Variants in AHCYL2 observed in about 807,000 individuals in gnomAD.
AHCYL2 encodes the protein S-adenosylhomocysteine hydrolase-like protein 2.
Under a neutral mutation model 81.4 loss-of-function variants are expected in AHCYL2, and 28 were observed. That is an observed-to-expected ratio of 0.34 (90% CI 0.25 to 0.47). AHCYL2 has a LOEUF of 0.47. Ranked by LOEUF, AHCYL2 falls within the 20% of genes least tolerant of loss-of-function variation. AHCYL2 has a pLI of 1.00. For missense variants in AHCYL2, 551 were observed against 785.1 expected, an observed-to-expected ratio of 0.70 and a Z score of 3.56; for synonymous variants, 272 against 290.2, an observed-to-expected ratio of 0.94 and a Z score of 0.64.
At position 129,406,645 on chromosome 7, in the gene AHCYL2, GA is replaced by G. The variant is rs1405921013; in HGVS notation, c.1295+183del. ...TGCTTGGAGAGAGCAGAGACTATCA[GA>G]AAAGCGAAAATTTAGAAATCCTGTG... On this transcript the variant is annotated intron_variant, in intron 10 of 16. Transcript: ENST00000325006. This position sits in a 1 kb window ranked among gnomAD's most constrained non-coding sequence, Gnocchi z 4.3. Among the ~76,000 whole-genome samples the G allele has an allele frequency of 6.6e-6, 1 of 152,208 alleles. No homozygotes were observed. Among genetic ancestry groups the G allele is most frequent in the Admixed American group, 6.5e-5 (1 of 15,288 alleles).
At chr7:129,301,920 C>G (rs1287641362) in intron 1 of AHCYL2, among the ~76,000 whole-genome samples, 1 of 151,280 alleles carries the variant, frequency 6.6e-6, no homozygotes, top group Non-Finnish European at 1.5e-5. Flanking sequence ...GATTTGGAAT[C>G]TATAGATTCA....
intron 1 of AHCYL2, among the ~76,000 whole-genome samples, chr7:129,365,736 TGGA>T: frequency 6.7e-6 from 1 of 150,028 alleles, no homozygotes; most frequent in East Asian, 2.0e-4. Flanking sequence ...AAAGGTTTGG[TGGA>T]GGAGGGCACA....
intron 1 of AHCYL2, among the ~76,000 whole-genome samples, chr7:129,269,699 G>T (rs936034225): frequency 1.3e-5 from 2 of 152,130 alleles, no homozygotes; most frequent in African/African-American, 4.8e-5. Flanking sequence ...GCCTCTCAAA[G>T]TGTAGCCACC....
intron 6 of AHCYL2, among the ~76,000 whole-genome samples, chr7:129,402,414 T>A (rs1041934739): frequency 6.6e-6 from 1 of 152,110 alleles, no homozygotes; most frequent in Non-Finnish European, 1.5e-5. Context: ...TTTTGGCACT[T>A]ATAGTAGAGT....
chr7:129,284,844 A>C (rs1434491469), intron 1 of AHCYL2, among the ~76,000 whole-genome samples: 2 of 152,226 alleles, frequency 1.3e-5, no homozygotes, highest in African/African-American at 4.8e-5. Context: ...AGAAATTGAA[A>C]ATGAAATCAT....
intron 1 of AHCYL2, among the ~76,000 whole-genome samples, chr7:129,265,350 A>G (rs1035297642): frequency 6.6e-6 from 1 of 152,200 alleles, no homozygotes; most frequent in Non-Finnish European, 1.5e-5. Context: ...TGATAAACTC[A>G]GGTTGATGGT....
chr7:129,226,554 T>C (rs1794228024), intron 1 of AHCYL2, among the ~76,000 whole-genome samples: 1 of 152,140 alleles, frequency 6.6e-6, no homozygotes, highest in Non-Finnish European at 1.5e-5. Flanking sequence ...AGACGGGAAG[T>C]GTGCATTGGT....
intron 1 of AHCYL2, among the ~76,000 whole-genome samples, chr7:129,286,770 T>G (rs1012830096): frequency 6.9e-6 from 1 of 144,858 alleles, no homozygotes; most frequent in South Asian, 2.1e-4. Flanking sequence ...TCCTTTACAC[T>G]CTTAAAAATT....
intron 1 of AHCYL2, among the ~76,000 whole-genome samples, chr7:129,256,376 CTTAT>C (rs1006517519): frequency 1.3e-5 from 2 of 152,052 alleles, no homozygotes; most frequent in African/African-American, 4.8e-5. Flanking sequence ...TTTCTTATGT[CTTAT>C]TTATCTTTTA....
At chr7:129,371,480 C>T (rs564594126) in intron 1 of AHCYL2, among the ~76,000 whole-genome samples, 9 of 152,308 alleles carry the variant, frequency 5.9e-5, no homozygotes, top group South Asian at 2.1e-4. Flanking sequence ...TTCAAGGTTA[C>T]GTTCCATCAA....
intron 1 of AHCYL2, among the ~76,000 whole-genome samples, chr7:129,333,719 A>G (rs1183750909): frequency 6.6e-6 from 1 of 152,202 alleles, no homozygotes; most frequent in Non-Finnish European, 1.5e-5. Flanking sequence ...ACCCAAAACT[A>G]AATATTCTCC....
chr7:129,397,441 G>C (rs1198500917), intron 5 of AHCYL2, 117 bp downstream of exon 5: 5 of 999,472 alleles, frequency 5.0e-6, no homozygotes, highest in Non-Finnish European at 7.3e-6. Flanking sequence ...TGGAAGAAAT[G>C]GATCTCGATT....
At chr7:129,357,042 G>C (rs145928889) in intron 1 of AHCYL2, among the ~76,000 whole-genome samples, 1 of 152,296 alleles carries the variant, frequency 6.6e-6, no homozygotes, top group Non-Finnish European at 1.5e-5. Flanking sequence ...AGGTTTGCTA[G>C]TTTTTTAATC....
intron 11 of AHCYL2, among the ~76,000 whole-genome samples, chr7:129,412,370 T>G (rs62479487): frequency 0.22 from 32,290 of 149,368 alleles, 4,088 homozygotes; most frequent in Non-Finnish European, 0.28. Context: ...AACTTCCACC[T>G]CCCGTGTGCA....
chr7:129,273,931 A>T (rs1390359125), intron 1 of AHCYL2, among the ~76,000 whole-genome samples: 1 of 152,200 alleles, frequency 6.6e-6, no homozygotes, highest in African/African-American at 2.4e-5. Context: ...TTAGATTTCC[A>T]ATCATCTATA....
chr7:129,330,945 A>G (rs1296835851), intron 1 of AHCYL2, among the ~76,000 whole-genome samples: 1 of 152,222 alleles, frequency 6.6e-6, no homozygotes. Context: ...GCTTGCATAA[A>G]TAAAAATGAG....
Position 129,405,847 on chromosome 7 carries a change from C to A in AHCYL2, c.1154C>A (p.Thr385Lys). 1 of 1,612,364 alleles carries A rather than the reference C, an allele frequency of 6.2e-7. No individual in the cohort carries two copies. ...RESILDGLKR[T>K]TDMMFGGKQV... is the part of the protein sequence containing the mutation. ...TTTTTTTCCCCTAGACTTAAAAGGACAACAGACATGATGTTTGGTGGAAAG... is the reference window on the plus strand; with the variant it reads ...TTTTTTTCCCCTAGACTTAAAAGGAAAACAGACATGATGTTTGGTGGAAAG... Residue 385 changes from threonine to lysine, a missense_variant, in exon 9 of 17, where the codon ACA becomes AAA. By Grantham distance (78) the Thr-to-Lys change is moderately conservative (BLOSUM62 -1). Around this residue, in one of 2 missense-constraint regions of AHCYL2, gnomAD observed 316 missense variants for 543.1 expected, o/e 0.58. Coordinates refer to ENST00000325006, the MANE Select transcript of AHCYL2 (RefSeq NM_015328.4).
In AHCYL2 at chr7:129,422,829, A is replaced by G. The variant is rs1797177298; in HGVS notation, c.1462-11A>G. On this transcript the variant is annotated splice_polypyrimidine_tract_variant and intron_variant, in intron 12 of 16. Transcript: ENST00000325006. ...CTATGGCTAATGCTGTACTTGCTGTATGTGTTCCAGGCGAGTCTGCGGACA... is the reference window on the plus strand; with the variant it reads ...CTATGGCTAATGCTGTACTTGCTGTGTGTGTTCCAGGCGAGTCTGCGGACA... 8 of 1,613,140 alleles carry G rather than the reference A, an allele frequency of 5.0e-6. No homozygotes were observed. The highest frequency in any genetic ancestry group is 6.8e-6 in the Non-Finnish European group (8 of 1,179,296).
Position 129,314,714 on chromosome 7 carries a change from G to A in AHCYL2, c.364-64924G>A, listed in dbSNP as rs144167143. On this transcript the variant is annotated intron_variant, in intron 1 of 16. Coordinates refer to ENST00000325006, the MANE Select transcript of AHCYL2 (RefSeq NM_015328.4). ...CATTGGAGATTAGGTTTCAACATAT[G>A]AATTTGGGATGGGAGTGGGGTGGGG... Among the ~76,000 whole-genome samples, 430 of 152,288 alleles carry A rather than the reference G, an allele frequency of 2.8e-3. 4 individuals carry two copies. Among genetic ancestry groups the A allele is most frequent in the African/African-American group, 9.7e-3 (405 of 41,568 alleles).
Sources: gnomAD v4.1 joint callset for allele counts (sites outside exome capture counted in the v4.1 genomes callset) on GRCh38, gnomAD v4.1.1 for gene constraint, gnomAD v4.1.1 regional missense constraint, Gnocchi (gnomAD v3.1) non-coding constraint, MANE v1.5 for transcripts, NCBI Gene and HGNC (gene_info 2026-07-23, HGNC 2026-07-21) for gene names.